The following SELENOF variants were observed in gnomAD, a reference collection of about 807,000 sequenced individuals.
The protein encoded by SELENOF is selenoprotein F.
In SELENOF, 16 loss-of-function variants were observed where a neutral mutation model predicts 20.5. That is an observed-to-expected ratio of 0.78 (90% CI 0.53 to 1.19). SELENOF has a LOEUF of 1.19. Among genes scored for constraint, SELENOF ranks in the 50% most tolerant of loss-of-function variants. The pLI is 0.00. For missense variants in SELENOF, 215 were observed against 194.2 expected (o/e 1.11, Z -0.64); for synonymous variants, 78 against 74.5 (o/e 1.05, Z -0.24).
intron 1 of SELENOF, chr1:86,913,714 C>G (rs2102141454): frequency 6.6e-6 from 2 of 305,066 alleles, no homozygotes; most frequent in South Asian, 1.1e-4. Flanking sequence ...AAAACAACCT[C>G]CACTTCTTGC....
At position 86,895,989 on chromosome 1, in the gene SELENOF, A is replaced by G. The variant is rs574002256; in HGVS notation, c.252+7292T>C. Among the ~76,000 whole-genome samples, 13 of 152,340 alleles carry G rather than the reference A, an allele frequency of 8.5e-5. No homozygotes were observed. The East Asian group carries it at 2.1e-3, about 25-fold the overall frequency. On this transcript the variant is annotated intron_variant, in intron 2 of 4. Coordinates refer to ENST00000331835, the MANE Select transcript of SELENOF (RefSeq NM_004261.5). ...ACGCCTGTAATCCCAGCACTTTGGG[A>G]GGCCGAGGGGAGTGGAACACCTGAG... is the stretch of plus-strand genomic sequence containing the variant.
chr1:86,901,042 A>G (rs1369554023), intron 2 of SELENOF, among the ~76,000 whole-genome samples: 1 of 152,002 alleles, frequency 6.6e-6, no homozygotes, highest in Non-Finnish European at 1.5e-5. Flanking sequence ...ATAGGCGTAA[A>G]CCACCACACT....
chr1:86,890,411 A>G (rs1659349218), intron 2 of SELENOF, among the ~76,000 whole-genome samples: 1 of 152,238 alleles, frequency 6.6e-6, no homozygotes, highest in African/African-American at 2.4e-5. Context: ...GCATGTGGAC[A>G]TAATAAAAAA....
At chr1:86,899,719 C>A (rs1659634465) in intron 2 of SELENOF, among the ~76,000 whole-genome samples, 1 of 151,634 alleles carries the variant, frequency 6.6e-6, no homozygotes, top group African/African-American at 2.4e-5. Context: ...GACAGGGCGG[C>A]TGCTGGGCGG....
rs567619112 is a variant in SELENOF at position 86,882,273 on chromosome 1, A to G, written c.253-1548T>C. On this transcript the variant is annotated intron_variant, in intron 2 of 4. Transcript: ENST00000331835. Reference sequence around the variant, plus strand: ...AAAAAAAAAAAAAAAAAAAAAAAAGAAAGAAAGAAAGAATAGGTTAACTTA... The same window carrying G: ...AAAAAAAAAAAAAAAAAAAAAAAAGGAAGAAAGAAAGAATAGGTTAACTTA... 1.1e-3 allele frequency among the ~76,000 whole-genome samples: 162 copies of G among 145,716 alleles called. 2 individuals carry two copies. In the Middle Eastern group the frequency reaches 0.025, roughly 22 times the overall value.
intron 2 of SELENOF, among the ~76,000 whole-genome samples, chr1:86,900,000 C>A (rs1206076876): frequency 1.2e-4 from 18 of 151,648 alleles, no homozygotes; most frequent in Non-Finnish European, 7.4e-5. Flanking sequence ...GGCGGCCGGG[C>A]AGAGACACTC....
chr1:86,867,177 T>C (rs1041758882), intron 4 of SELENOF, among the ~76,000 whole-genome samples: 6 of 151,872 alleles, frequency 4.0e-5, no homozygotes, highest in African/African-American at 1.5e-4. Flanking sequence ...AAAGGCAAAA[T>C]TATAGAGATA....
At chr1:86,888,320 T>C (rs1659281163) in intron 2 of SELENOF, among the ~76,000 whole-genome samples, 1 of 151,090 alleles carries the variant, frequency 6.6e-6, no homozygotes, top group Non-Finnish European at 1.5e-5. Flanking sequence ...CCATAGTAAG[T>C]GTTTTTAAAT....
chr1:86,869,270 A>ATTAT (rs1264255815), intron 3 of SELENOF, among the ~76,000 whole-genome samples: 2 of 152,356 alleles, frequency 1.3e-5, no homozygotes, highest in East Asian at 3.8e-4. Context: ...ACTTATAAAA[A>ATTAT]GTCTCGCTAA....
At chr1:86,873,366 G>C (rs1200704707) in intron 3 of SELENOF, among the ~76,000 whole-genome samples, 1 of 151,480 alleles carries the variant, frequency 6.6e-6, no homozygotes, top group African/African-American at 2.4e-5. Flanking sequence ...ATTGTCAAAT[G>C]AGGTTTCAGA....
At chr1:86,887,245 G>A (rs1177010500) in intron 2 of SELENOF, 3 of 1,521,642 alleles carry the variant, frequency 2.0e-6, no homozygotes, top group Non-Finnish European at 2.6e-6. Flanking sequence ...AACAAACAAA[G>A]CTGGCAAATA....
intron 2 of SELENOF, among the ~76,000 whole-genome samples, chr1:86,894,707 C>T (rs1289792657): frequency 6.6e-6 from 1 of 152,092 alleles, no homozygotes; most frequent in African/African-American, 2.4e-5. Flanking sequence ...GGTGATGACG[C>T]ATGTCAATAA....
At chr1:86,911,157 C>T (rs1031556756) in intron 1 of SELENOF, among the ~76,000 whole-genome samples, 1 of 152,148 alleles carries the variant, frequency 6.6e-6, no homozygotes, top group Admixed American at 6.5e-5. Flanking sequence ...TATTGATCAC[C>T]ACTGGAGCAC....
chr1:86,898,014 C>T (rs1659571161), intron 2 of SELENOF, among the ~76,000 whole-genome samples: 1 of 152,170 alleles, frequency 6.6e-6, no homozygotes. Flanking sequence ...ATATATAAAG[C>T]TGAAGTCACT....
intron 2 of SELENOF, 105 bp downstream of exon 2, chr1:86,903,176 T>G: frequency 1.0e-6 from 1 of 1,002,542 alleles, no homozygotes; most frequent in Non-Finnish European, 1.4e-6. Flanking sequence ...CTAAAAAATG[T>G]AAAAGCTTAG....
At chr1:86,905,304 A>G (rs929574089) in intron 1 of SELENOF, among the ~76,000 whole-genome samples, 2 of 152,164 alleles carry the variant, frequency 1.3e-5, no homozygotes, top group Non-Finnish European at 2.9e-5. Context: ...TCCTCCTGCT[A>G]TAAGGAATTC....
intron 2 of SELENOF, among the ~76,000 whole-genome samples, chr1:86,897,794 G>A (rs1659564270): frequency 6.6e-6 from 1 of 152,112 alleles, no homozygotes; most frequent in African/African-American, 2.4e-5. Flanking sequence ...ATATGCCAAA[G>A]CAAAAAAGAG....
At chr1:86,909,535 G>A (rs1265711962) in intron 1 of SELENOF, among the ~76,000 whole-genome samples, 1 of 152,106 alleles carries the variant, frequency 6.6e-6, no homozygotes, top group African/African-American at 2.4e-5. Flanking sequence ...GGATTTAAAT[G>A]TACAAATACA....
At chr1:86,880,247 C>T (rs1039483220) in intron 3 of SELENOF, among the ~76,000 whole-genome samples, 9 of 151,948 alleles carry the variant, frequency 5.9e-5, no homozygotes, top group Middle Eastern at 3.4e-3. Context: ...GTGATTCTCC[C>T]GCCTCCGCCT....
Sources: allele counts gnomAD v4.1 joint callset (sites outside exome capture counted in the v4.1 genomes callset), GRCh38; gene constraint gnomAD v4.1.1; transcripts MANE v1.5; gene names NCBI Gene and HGNC (gene_info 2026-07-23, HGNC 2026-07-21).